Variants in PARVB observed in about 807,000 individuals in gnomAD.
PARVB encodes beta-parvin.
PARVB carries 46 observed loss-of-function variants against 47.0 expected under a neutral mutation model. The observed-to-expected ratio is 0.98, with a 90% CI of 0.77 to 1.25. The LOEUF (loss-of-function observed/expected upper bound fraction) is 1.25, where lower values mean the gene tolerates loss of function less well. Among genes scored for constraint, PARVB ranks in the 50% most tolerant of loss-of-function variants. The pLI is 0.00. For synonymous variants in PARVB, 196 were observed against 196.3 expected (o/e 1.00, Z 0.01); for missense variants, 473 against 471.6 (o/e 1.00, Z -0.03).
chr22:44,016,222 G>A (rs988357897), intron 2 of PARVB, among the ~76,000 whole-genome samples: 6 of 150,868 alleles, frequency 4.0e-5, no homozygotes, highest in Admixed American at 1.3e-4. Context: ...TCAGCCTCCC[G>A]AGTAGCTGGG....
chr22:44,046,969 G>T (rs1395186783), intron 1 of PARVB, among the ~76,000 whole-genome samples: 1 of 152,164 alleles, frequency 6.6e-6, no homozygotes, highest in African/African-American at 2.4e-5. Flanking sequence ...GTGTGCGGGG[G>T]GTGGGGATGG....
chr22:44,031,079 C>G (rs2050817870), intron 1 of PARVB, among the ~76,000 whole-genome samples: 1 of 152,148 alleles, frequency 6.6e-6, no homozygotes, highest in Non-Finnish European at 1.5e-5. Context: ...AAGAGAAAGA[C>G]AATTCCACAC....
intron 1 of PARVB, among the ~76,000 whole-genome samples, chr22:44,056,549 A>G (rs984299165): frequency 2.6e-5 from 4 of 152,074 alleles, no homozygotes; most frequent in African/African-American, 9.7e-5. Context: ...TCTGTCACCC[A>G]GGCTGGTGTA....
At chr22:44,168,515 T>C (rs566589642) in intron 12 of PARVB, 87 bp from the exon 13 acceptor site, 1 of 863,586 alleles carries the variant, frequency 1.2e-6, no homozygotes, top group East Asian at 2.4e-5. Flanking sequence ...GCAGCTGGTG[T>C]CATGCTGGAG....
intron 1 of PARVB, among the ~76,000 whole-genome samples, chr22:44,066,801 C>CCTCCTT (rs1555898487): frequency 0.017 from 1,884 of 110,788 alleles, 59 homozygotes; most frequent in African/African-American, 0.057. Context: ...TCCTCCTCCT[C>CCTCCTT]CTCCTCCTCC....
chr22:44,162,424 C>T (rs746913822), intron 11 of PARVB, among the ~76,000 whole-genome samples: 3 of 151,784 alleles, frequency 2.0e-5, no homozygotes, highest in African/African-American at 4.8e-5. Context: ...TGGGTTCAAG[C>T]GATTCTCATG....
At chr22:44,098,235 C>T (rs1196967587) in intron 2 of PARVB, among the ~76,000 whole-genome samples, 8 of 152,316 alleles carry the variant, frequency 5.3e-5, no homozygotes, top group South Asian at 2.1e-4. Context: ...CTCTCATACA[C>T]GTGTGGACTC....
chr22:44,092,160 GA>G (rs2052184305), intron 1 of PARVB, among the ~76,000 whole-genome samples: 1 of 152,148 alleles, frequency 6.6e-6, no homozygotes, highest in Non-Finnish European at 1.5e-5. Flanking sequence ...CACCAGGCTG[GA>G]GTGCACTGGT....
chr22:44,023,602 T>G (rs148315521), upstream of PARVB, among the ~76,000 whole-genome samples: 1 of 135,216 alleles, frequency 7.4e-6, no homozygotes, highest in Non-Finnish European at 1.7e-5. Flanking sequence ...TAAAATAAAA[T>G]AAAAATAGCC....
chr22:44,055,678 C>A (rs3994280), intron 1 of PARVB, among the ~76,000 whole-genome samples: 36,132 of 142,250 alleles, frequency 0.25, 4,480 homozygotes, highest in South Asian at 0.36. Context: ...CTCTCTCTCT[C>A]TATATATATA....
chr22:44,136,289 C>T (rs1601661726), intron 6 of PARVB, among the ~76,000 whole-genome samples, 171 bp from the exon 7 acceptor site: 1 of 152,164 alleles, frequency 6.6e-6, no homozygotes, highest in African/African-American at 2.4e-5. Context: ...TGCCCAGGGT[C>T]CCCTGCTGTG....
At chr22:44,122,583 A>C in intron 4 of PARVB, among the ~76,000 whole-genome samples, 1 of 142,130 alleles carries the variant, frequency 7.0e-6, no homozygotes, top group Admixed American at 6.9e-5. Context: ...AGAGAGAGAG[A>C]GAGAGAGAGA....
intron 2 of PARVB, 112 bp downstream of exon 2, chr22:44,094,129 C>A: frequency 1.7e-6 from 1 of 576,056 alleles, no homozygotes; most frequent in Non-Finnish European, 3.1e-6. Flanking sequence ...TGATCAGATG[C>A]TGGGGGCATT....
chr22:44,157,562 A>G (rs2053962332), intron 10 of PARVB, among the ~76,000 whole-genome samples: 2 of 152,184 alleles, frequency 1.3e-5, no homozygotes, highest in East Asian at 1.9e-4. Context: ...CTAAAGTGAG[A>G]GGAGGGATGG....
intron 3 of PARVB, chr22:44,105,434 TTC>T (rs1457430205): frequency 3.9e-5 from 6 of 152,264 alleles, no homozygotes; most frequent in African/African-American, 1.4e-4. Context: ...TCTTCAACAC[TTC>T]TTTCAGTTTT....
At chr22:44,012,092 C>T (rs2050529400) in intron 2 of PARVB, among the ~76,000 whole-genome samples, 1 of 152,128 alleles carries the variant, frequency 6.6e-6, no homozygotes, top group African/African-American at 2.4e-5. Context: ...AGAGGGGAGT[C>T]TTTTTTTAAA....
rs529283803 is a variant in PARVB at position 44,155,980 on chromosome 22, A to G, written c.844-2002A>G. On this transcript the variant is annotated intron_variant, in intron 10 of 12. Coordinates refer to ENST00000338758, the MANE Select transcript of PARVB (RefSeq NM_013327.5). The surrounding 1 kb of genome is among the most constrained non-coding windows in gnomAD (Gnocchi z 4.8). ...AGCCTGACCAACATGGTGAAACCCC[A>G]TCTCTACTAAAAATACAAAAATTGG... Among the ~76,000 whole-genome samples the G allele has an allele frequency of 6.6e-6, 1 of 152,210 alleles. No homozygotes were observed. Among genetic ancestry groups the G allele is most frequent in the East Asian group, 1.9e-4 (1 of 5,140 alleles).
At chr22:44,061,851 A>T (rs2146960260) in intron 1 of PARVB, among the ~76,000 whole-genome samples, 1 of 152,192 alleles carries the variant, frequency 6.6e-6, no homozygotes, top group South Asian at 2.1e-4. Flanking sequence ...TCCTGACCTC[A>T]GGCGATCCAC....
chr22:44,107,186 A>C (rs1255476541), intron 3 of PARVB: 2 of 152,264 alleles, frequency 1.3e-5, no homozygotes, highest in African/African-American at 2.4e-5. Context: ...TGGAAGACTT[A>C]TCCAAAAGTC....
Sources: gnomAD v4.1 joint callset for allele counts (sites outside exome capture counted in the v4.1 genomes callset) on GRCh38, gnomAD v4.1.1 for gene constraint, Gnocchi (gnomAD v3.1) non-coding constraint, MANE v1.5 for transcripts, NCBI Gene and HGNC (gene_info 2026-07-23, HGNC 2026-07-21) for gene names.